SYNRG: variants seen among roughly 807,000 people sequenced by gnomAD.
The protein encoded by SYNRG is AP1 gamma subunit binding protein 1.
SYNRG carries 37 observed loss-of-function variants against 130.9 expected under a neutral mutation model. The ratio of observed to expected loss-of-function variants is 0.28; its 90% CI spans 0.22 to 0.37. The LOEUF is 0.37. SYNRG is among the 10% of genes least tolerant of loss of function. SYNRG has a pLI of 1.00. For missense variants in SYNRG, 1,338 were observed against 1,588.9 expected, an observed-to-expected ratio of 0.84 and a Z score of 2.68; for synonymous variants, 539 against 568.1, an observed-to-expected ratio of 0.95 and a Z score of 0.73.
At chr17:37,521,831 G>A (rs1376542700) in intron 19 of SYNRG, among the ~76,000 whole-genome samples, 1 of 152,142 alleles carries the variant, frequency 6.6e-6, no homozygotes, top group African/African-American at 2.4e-5. Context: ...CCTGCTGGAT[G>A]GGAGAGGTTG....
intron 21 of SYNRG, 141 bp downstream of exon 21, chr17:37,520,038 A>G (rs2054796053): frequency 2.2e-6 from 2 of 902,822 alleles, no homozygotes; most frequent in Non-Finnish European, 3.5e-6. Flanking sequence ...GACTCCATCA[A>G]ACATTATGGG....
At chr17:37,595,763 T>C (rs983580227) in intron 3 of SYNRG, among the ~76,000 whole-genome samples, 1 of 151,828 alleles carries the variant, frequency 6.6e-6, no homozygotes, top group African/African-American at 2.4e-5. Flanking sequence ...GGCCTTTTTT[T>C]TTTTTTTTGA....
intron 10 of SYNRG, among the ~76,000 whole-genome samples, chr17:37,570,403 CCCTA>C (rs2060334323): frequency 6.6e-6 from 1 of 152,032 alleles, no homozygotes; most frequent in Admixed American, 6.6e-5. Context: ...GTCACTTTTA[CCCTA>C]CTTTTTCAAT....
chr17:37,603,307 C>CATG (rs1357549424), intron 1 of SYNRG, among the ~76,000 whole-genome samples: 2 of 152,016 alleles, frequency 1.3e-5, no homozygotes, highest in African/African-American at 2.4e-5. Context: ...AGTTTGAGAC[C>CATG]AGCCTGGGCA....
chr17:37,541,592 C>G lies in SYNRG; in HGVS notation c.3202+380G>C, dbSNP rs1327003854. ...GATATGCAGGCTAGATGCAGATCCC[C>G]GGCCCCCACTTTGCAACCTTTGGAT... On this transcript the variant is annotated intron_variant, in intron 15 of 21. Transcript: ENST00000612223. The G allele has an allele frequency of 4.1e-5, 9 of 217,864 alleles. No individual in the cohort carries two copies. In the East Asian group the frequency reaches 7.9e-4, roughly 19 times the overall value. 13.5% of individuals were successfully genotyped at this position (217,864 alleles called of 1,614,324 possible). A position where few individuals can be genotyped will look rare whatever the true frequency, so the allele number is the denominator to read the frequency against.
At chr17:37,588,676 C>T (rs999438844) in intron 3 of SYNRG, among the ~76,000 whole-genome samples, 1 of 151,602 alleles carries the variant, frequency 6.6e-6, no homozygotes, top group African/African-American at 2.4e-5. Flanking sequence ...GCTGTGTATA[C>T]TTATTTTAAA....
chr17:37,579,091 G>A (rs377044837), intron 6 of SYNRG: 2 of 1,107,002 alleles, frequency 1.8e-6, no homozygotes, highest in African/African-American at 3.4e-5. Context: ...GTTATCCCAG[G>A]ATATCTTAAG....
intron 14 of SYNRG, among the ~76,000 whole-genome samples, chr17:37,549,465 C>T (rs1208178808): frequency 1.3e-5 from 2 of 151,948 alleles, no homozygotes; most frequent in Admixed American, 6.6e-5. Context: ...AGACACACCC[C>T]CTAAAGTAAC....
At chr17:37,605,686 T>C (rs1598704077) in intron 1 of SYNRG, 3 of 294,146 alleles carry the variant, frequency 1.0e-5, no homozygotes, top group African/African-American at 2.3e-5. Context: ...AGATAAGCAG[T>C]TAAGGCATTA....
At chr17:37,543,335 A>G (rs1299960756) in intron 14 of SYNRG, among the ~76,000 whole-genome samples, 1 of 152,200 alleles carries the variant, frequency 6.6e-6, no homozygotes, top group African/African-American at 2.4e-5. Context: ...AAAAAAAGGA[A>G]AGAAGAAAAA....
At chr17:37,573,114 A>G (rs1364749600) in intron 8 of SYNRG, among the ~76,000 whole-genome samples, 1 of 152,174 alleles carries the variant, frequency 6.6e-6, no homozygotes, top group Non-Finnish European at 1.5e-5. Context: ...ATAAGAACAC[A>G]TATTTTTGGC....
intron 6 of SYNRG, among the ~76,000 whole-genome samples, chr17:37,582,497 T>G (rs1029771562): frequency 1.3e-5 from 2 of 152,188 alleles, no homozygotes; most frequent in African/African-American, 4.8e-5. Flanking sequence ...AATGTGTGAC[T>G]TCTACATGGA....
Position 37,580,510 on chromosome 17 carries a change from TGAGAGA to T in SYNRG, c.590-2903_590-2898del, listed in dbSNP as rs71135748. ...GTGTGTGTGTGTGTGTGTGTGTGTG[TGAGAGA>T]GAGAGAGAGAGAGAGAGAGACGGAG... On this transcript the variant is annotated intron_variant, in intron 6 of 21. Coordinates refer to ENST00000612223, the MANE Select transcript of SYNRG (RefSeq NM_007247.6). 2.8e-3 allele frequency among the ~76,000 whole-genome samples: 353 copies of T among 127,684 alleles called. 2 individuals are homozygous for T. The highest frequency in any genetic ancestry group is 0.012 in the African/African-American group (335 of 27,444). The allele number at this position is 127,684 out of a possible 152,430, so 83.8% of individuals were successfully genotyped here. A position where few individuals can be genotyped will look rare whatever the true frequency, so the allele number is the denominator to read the frequency against.
intron 19 of SYNRG, chr17:37,529,883 G>A: frequency 1.3e-6 from 2 of 1,546,756 alleles, no homozygotes; most frequent in Non-Finnish European, 1.7e-6. Flanking sequence ...GCTGATTTGG[G>A]GGTTGTATAG....
intron 3 of SYNRG, among the ~76,000 whole-genome samples, chr17:37,588,640 T>C (rs2061890329): frequency 6.6e-6 from 1 of 152,216 alleles, no homozygotes; most frequent in South Asian, 2.1e-4. Flanking sequence ...GCTAACATTC[T>C]CTATTCTAAA....
intron 19 of SYNRG, among the ~76,000 whole-genome samples, chr17:37,533,311 G>C (rs990034975): frequency 6.6e-6 from 1 of 151,848 alleles, no homozygotes; most frequent in Non-Finnish European, 1.5e-5. Context: ...TGAGGCGTGA[G>C]AATCGCTTGA....
intron 1 of SYNRG, chr17:37,606,059 A>G (rs2063719080): frequency 1.0e-6 from 1 of 955,958 alleles, no homozygotes; most frequent in Non-Finnish European, 1.2e-6. Flanking sequence ...AGTTAAAACT[A>G]TGAAATGATT....
At chr17:37,583,135 G>A (rs1324891289) in intron 6 of SYNRG, among the ~76,000 whole-genome samples, 1 of 151,760 alleles carries the variant, frequency 6.6e-6, no homozygotes, top group African/African-American at 2.4e-5. Flanking sequence ...AGATTATAGG[G>A]ACGTGCCACC....
At chr17:37,565,273 AAAAT>A (rs2059846459) in intron 11 of SYNRG, among the ~76,000 whole-genome samples, 3 of 152,200 alleles carry the variant, frequency 2.0e-5, no homozygotes, top group Admixed American at 6.5e-5. Context: ...AAAAAAAAAA[AAAAT>A]AGTTTCATTC....
Sources: gnomAD v4.1 joint callset for allele counts (sites outside exome capture counted in the v4.1 genomes callset) on GRCh38, gnomAD v4.1.1 for gene constraint, MANE v1.5 for transcripts, NCBI Gene and HGNC (gene_info 2026-07-23, HGNC 2026-07-21) for gene names.